Variants in NXPH2 observed in about 807,000 individuals in gnomAD.
NXPH2 encodes the protein neurexophilin-2.
A neutral mutation model predicts 19.8 loss-of-function variants in NXPH2; 5 were observed. The observed-to-expected ratio is 0.25, with a 90% CI of 0.13 to 0.53. NXPH2 has a LOEUF of 0.53. NXPH2 is among the 20% of genes least tolerant of loss of function. The probability of loss-of-function intolerance (pLI) is 0.96; values close to 1 mark genes in which losing one functional copy is unlikely to be tolerated. For missense variants in NXPH2, 289 were observed against 322.8 expected (o/e 0.90, Z 0.80); for synonymous variants, 154 against 127.4 (o/e 1.21, Z -1.41).
intron 1 of NXPH2, among the ~76,000 whole-genome samples, chr2:138,674,164 C>CT (rs939998629): frequency 1.9e-4 from 28 of 149,850 alleles, no homozygotes; most frequent in Admixed American, 4.0e-4. Context: ...TTTTCTTTTT[C>CT]TTTTTTTTTA....
intron 1 of NXPH2, among the ~76,000 whole-genome samples, chr2:138,672,768 A>G (rs1680432968): frequency 6.6e-6 from 1 of 152,230 alleles, no homozygotes; most frequent in Admixed American, 6.5e-5. Flanking sequence ...AGCCCTTTCA[A>G]ACTTGGCAAA....
chr2:138,738,711 T>C (rs1200206379), intron 1 of NXPH2, among the ~76,000 whole-genome samples: 1 of 152,204 alleles, frequency 6.6e-6, no homozygotes, highest in Non-Finnish European at 1.5e-5. Flanking sequence ...CTAACTACAC[T>C]GAAACAAAGA....
chr2:138,671,021 G>A lies in NXPH2; in HGVS notation c.696C>T (p.Cys232=). 6.2e-7 allele frequency: 1 copy of A among 1,613,982 alleles called. No individual in the cohort carries two copies. Among genetic ancestry groups the A allele is most frequent in the South Asian group, 1.1e-5 (1 of 91,088 alleles). The part of the protein sequence containing the change: ...WLCSKPFKVI[C]IYIAFYSVDY... ...CAACACTGTAAAAGGCAATGTAAAT[G>A]CAAATGACCTTGAAGGGCTTGGAGC... is the stretch of plus-strand genomic sequence containing the variant. The change falls in exon 2 of 2, where the codon TGC becomes TGT. Residue 232 remains cysteine, a synonymous_variant. Transcript: ENST00000272641.
intron 1 of NXPH2, among the ~76,000 whole-genome samples, chr2:138,775,360 C>G (rs35351378): frequency 0.06 from 9,177 of 152,064 alleles, 362 homozygotes; most frequent in Middle Eastern, 0.12. Context: ...AAAATTCTTT[C>G]TTTAATATGA....
chr2:138,699,478 A>G (rs1469107100), intron 1 of NXPH2, among the ~76,000 whole-genome samples: 10 of 152,144 alleles, frequency 6.6e-5, no homozygotes, highest in African/African-American at 2.4e-4. Context: ...TAGGGGGAGA[A>G]GGCAAGACAT....
At chr2:138,673,750 T>A (rs1680446113) in intron 1 of NXPH2, among the ~76,000 whole-genome samples, 1 of 151,868 alleles carries the variant, frequency 6.6e-6, no homozygotes, top group Non-Finnish European at 1.5e-5. Flanking sequence ...AGTGTTGGGA[T>A]TACAGGTATG....
At chr2:138,671,910 G>A (rs1054722314) in intron 1 of NXPH2, among the ~76,000 whole-genome samples, 4 of 152,150 alleles carry the variant, frequency 2.6e-5, no homozygotes, top group Non-Finnish European at 5.9e-5. Flanking sequence ...TTAATGGGTT[G>A]ATGTGATTTT....
intron 1 of NXPH2, among the ~76,000 whole-genome samples, chr2:138,716,702 T>G (rs1681201003): frequency 6.6e-6 from 1 of 152,188 alleles, no homozygotes; most frequent in African/African-American, 2.4e-5. Flanking sequence ...AATTGACTGA[T>G]GTAGCTATTG....
chr2:138,679,691 C>A (rs535202906), intron 1 of NXPH2, among the ~76,000 whole-genome samples: 1 of 152,224 alleles, frequency 6.6e-6, no homozygotes, highest in South Asian at 2.1e-4. Flanking sequence ...TGAGCCACTG[C>A]GCCGGGCCGA....
chr2:138,687,348 CT>C (rs1350488890), intron 1 of NXPH2, among the ~76,000 whole-genome samples: 1 of 152,154 alleles, frequency 6.6e-6, no homozygotes, highest in East Asian at 1.9e-4. Flanking sequence ...GCATAAATGT[CT>C]TCTTTTGAGA....
chr2:138,737,006 T>C (rs1056528006), intron 1 of NXPH2, among the ~76,000 whole-genome samples: 1 of 152,230 alleles, frequency 6.6e-6, no homozygotes, highest in Non-Finnish European at 1.5e-5. Flanking sequence ...TCCATATCCC[T>C]ATCAGTATTT....
chr2:138,675,949 A>G (rs1680477855), intron 1 of NXPH2, among the ~76,000 whole-genome samples: 1 of 55,342 alleles, frequency 1.8e-5, no homozygotes, highest in Non-Finnish European at 3.4e-5. Context: ...GTACATATAT[A>G]TACATATGTG....
intron 1 of NXPH2, among the ~76,000 whole-genome samples, chr2:138,686,557 ATTT>A (rs201973086): frequency 1.5e-5 from 2 of 134,552 alleles, no homozygotes; most frequent in Non-Finnish European, 3.5e-5. Flanking sequence ...ATTTTATTTT[ATTT>A]TTTTATTATA....
intron 1 of NXPH2, among the ~76,000 whole-genome samples, chr2:138,707,509 C>A (rs1307603913): frequency 6.6e-6 from 1 of 152,092 alleles, no homozygotes; most frequent in Non-Finnish European, 1.5e-5. Flanking sequence ...GGTTGTCTGA[C>A]CCCAAAGAGC....
chr2:138,701,780 A>T (rs2104982357), intron 1 of NXPH2, among the ~76,000 whole-genome samples: 1 of 152,342 alleles, frequency 6.6e-6, no homozygotes, highest in South Asian at 2.1e-4. Flanking sequence ...CAAATCATAA[A>T]GCAGTGTCAT....
intron 1 of NXPH2, among the ~76,000 whole-genome samples, chr2:138,692,634 A>G (rs1680762101): frequency 6.6e-6 from 1 of 152,190 alleles, no homozygotes; most frequent in Non-Finnish European, 1.5e-5. Context: ...GTTTTAATTT[A>G]TTTAATAAGT....
intron 1 of NXPH2, among the ~76,000 whole-genome samples, chr2:138,764,465 A>C (rs1019551098): frequency 5.3e-5 from 8 of 152,194 alleles, no homozygotes; most frequent in African/African-American, 1.9e-4. Context: ...CAATCATCTC[A>C]ATTTGCAGAA....
intron 1 of NXPH2, among the ~76,000 whole-genome samples, chr2:138,723,810 A>G (rs1681315967): frequency 2.0e-5 from 3 of 152,088 alleles, no homozygotes; most frequent in Admixed American, 6.5e-5. Flanking sequence ...GCTGCCACGG[A>G]TTCCAGGCTT....
At chr2:138,778,433 C>T (rs1682299206) in intron 1 of NXPH2, among the ~76,000 whole-genome samples, 1 of 152,092 alleles carries the variant, frequency 6.6e-6, no homozygotes, top group African/African-American at 2.4e-5. Context: ...ATTTCCTATT[C>T]CTTACTGACT....
Sources: gnomAD v4.1 joint callset for allele counts (sites outside exome capture counted in the v4.1 genomes callset) on GRCh38, gnomAD v4.1.1 for gene constraint, MANE v1.5 for transcripts, NCBI Gene and HGNC (gene_info 2026-07-23, HGNC 2026-07-21) for gene names.